ARHGEF10: variants seen among roughly 807,000 people sequenced by gnomAD.
ARHGEF10 encodes Rho guanine nucleotide exchange factor (GEF) 10.
ARHGEF10 carries 140 observed loss-of-function variants against 147.4 expected under a neutral mutation model. That is an observed-to-expected ratio of 0.95 (90% CI 0.83 to 1.09). The LOEUF is 1.09. Among genes scored for constraint, ARHGEF10 ranks in the 50% least tolerant of loss-of-function variants. The probability of loss-of-function intolerance (pLI) is 0.00; values close to 1 mark genes in which losing one functional copy is unlikely to be tolerated. For missense variants in ARHGEF10, 2,222 were observed against 1,752.7 expected, an observed-to-expected ratio of 1.27 and a Z score of -4.78; for synonymous variants, 902 against 695.8, an observed-to-expected ratio of 1.30 and a Z score of -4.67.
At chr8:1,832,003 C>T (rs1331273922) in intron 1 of ARHGEF10, among the ~76,000 whole-genome samples, 4 of 152,150 alleles carry the variant, frequency 2.6e-5, no homozygotes, top group African/African-American at 9.7e-5. Flanking sequence ...GGTGTGGCCG[C>T]TGGGGACTGG....
Position 1,903,371 on chromosome 8 carries a change from A to G in ARHGEF10, c.1741A>G (p.Asn581Asp). 1 of 1,614,208 alleles carries G rather than the reference A, an allele frequency of 6.2e-7. No individual in the cohort carries two copies. The highest frequency in any genetic ancestry group is 8.5e-7 in the Non-Finnish European group (1 of 1,180,052). The change falls in exon 16 of 29, where the codon AAT (asparagine) becomes GAT (aspartate). Residue 581 changes from asparagine to aspartate, a missense_variant. By Grantham distance (23) the Asn-to-Asp change is conservative. Transcript: ENST00000349830. Reference protein sequence around the residue: ...TELETLAEKLNERKRDADQRC... With the variant: ...TELETLAEKLDERKRDADQRC... ...GCTCGAAACACTAGCAGAGAAGTTAAATGAAAGAAAGAGAGATGCTGATCA... is the reference window on the plus strand; with the variant it reads ...GCTCGAAACACTAGCAGAGAAGTTAGATGAAAGAAAGAGAGATGCTGATCA...
chr8:1,849,472 C>A (rs1804829431), intron 2 of ARHGEF10, among the ~76,000 whole-genome samples: 1 of 144,346 alleles, frequency 6.9e-6, no homozygotes, highest in South Asian at 2.3e-4. Flanking sequence ...ACACAGACAG[C>A]AAATGCTGAG....
intron 4 of ARHGEF10, 51 bp from the exon 5 acceptor site, chr8:1,864,322 G>A (rs1806397711): frequency 6.4e-7 from 1 of 1,571,496 alleles, no homozygotes; most frequent in Non-Finnish European, 8.8e-7. Flanking sequence ...TCAACTTCAT[G>A]AGCATTTTTG....
At chr8:1,850,152 G>T (rs1481460466) in intron 2 of ARHGEF10, among the ~76,000 whole-genome samples, 1 of 39,934 alleles carries the variant, frequency 2.5e-5, no homozygotes, top group African/African-American at 1.2e-4. Context: ...GGTGTGGGGC[G>T]GCCACGTGGA....
intron 7 of ARHGEF10, chr8:1,870,212 A>C (rs1563205217): frequency 7.4e-6 from 1 of 134,908 alleles, no homozygotes; most frequent in Non-Finnish European, 1.6e-5. Context: ...GGCATTTTTC[A>C]GGGGGAGGAT....
chr8:1,830,369 C>G (rs371536315), intron 1 of ARHGEF10, among the ~76,000 whole-genome samples: 1 of 152,196 alleles, frequency 6.6e-6, no homozygotes, highest in Non-Finnish European at 1.5e-5. Context: ...CTCCGGGGGC[C>G]GTGCAAACAC....
intron 27 of ARHGEF10, among the ~76,000 whole-genome samples, chr8:1,946,235 C>G (rs989136438): frequency 1.3e-5 from 2 of 152,164 alleles, no homozygotes; most frequent in East Asian, 3.9e-4. Flanking sequence ...AGCCGGAGGC[C>G]GCTGTGGGGT....
chr8:1,843,628 G>T, intron 2 of ARHGEF10, among the ~76,000 whole-genome samples, 192 bp downstream of exon 2: 1 of 152,210 alleles, frequency 6.6e-6, no homozygotes, highest in East Asian at 1.9e-4. Flanking sequence ...GGGCATCCTG[G>T]GTGAGCCTCT....
In ARHGEF10 at chr8:1,917,781, T is replaced by A. The variant is rs562479522; in HGVS notation, c.2144-5183T>A. Among the ~76,000 whole-genome samples, 16 of 152,154 alleles carry A rather than the reference T, an allele frequency of 1.1e-4. No individual in the cohort carries two copies. The South Asian group carries it at 3.1e-3, about 30-fold the overall frequency. On this transcript the variant is annotated intron_variant, in intron 18 of 28. Coordinates refer to ENST00000349830, the MANE Select transcript of ARHGEF10 (RefSeq NM_014629.4). ...TTTCTTTCTTTTTCTTTTCTTTTCTTTTCTTTTTTTTGAGATGGAGTCTCC... is the reference window on the plus strand; with the variant it reads ...TTTCTTTCTTTTTCTTTTCTTTTCTATTCTTTTTTTTGAGATGGAGTCTCC...
intron 9 of ARHGEF10, 22 bp from the exon 10 acceptor site, chr8:1,882,613 C>T: frequency 1.3e-6 from 2 of 1,547,068 alleles, no homozygotes; most frequent in Non-Finnish European, 1.7e-6. Flanking sequence ...GTCCCGTTCT[C>T]ACATCTCCCT....
chr8:1,925,448 G>A (rs202163881), intron 22 of ARHGEF10, 44 bp downstream of exon 22: 12 of 1,611,042 alleles, frequency 7.4e-6, no homozygotes, highest in Admixed American at 3.3e-5. Flanking sequence ...GACGCACCTC[G>A]CAGCTCTGAA....
intron 16 of ARHGEF10, chr8:1,904,063 C>G (rs997361392): frequency 1.3e-5 from 2 of 153,238 alleles, no homozygotes; most frequent in Non-Finnish European, 2.9e-5. Context: ...AGGTGCTGCA[C>G]TCTAGCCTGG....
rs770502703 is a variant in ARHGEF10, at chr8:1,859,970, C to T, written c.267C>T (p.Val89=). 1 of 1,614,188 alleles carries T rather than the reference C, an allele frequency of 6.2e-7. No homozygotes were observed. Among genetic ancestry groups the T allele is most frequent in the Non-Finnish European group, 8.5e-7 (1 of 1,180,032 alleles). ...EPTKLVLPMK[V]NPYSVIDITP... Reference sequence around the variant, plus strand: ...CTAAGCTGGTGCTCCCGATGAAAGTCAACCCATATTCTGTCATCGACATCA... The same window carrying T: ...CTAAGCTGGTGCTCCCGATGAAAGTTAACCCATATTCTGTCATCGACATCA... Residue 89 remains valine (V), a synonymous_variant, in exon 4 of 29, where the codon GTC becomes GTT. Transcript: ENST00000349830.
Position 1,896,445 on chromosome 8 carries a change from TA to T in ARHGEF10, c.1556del (p.Lys519SerfsTer16), listed in dbSNP as rs752855683. The T allele has an allele frequency of 6.2e-7, 1 of 1,611,016 alleles. No homozygotes were observed. The highest frequency in any genetic ancestry group is 1.1e-5 in the South Asian group (1 of 90,512). ...ACAAAGCCCGCTTTTCTTGAATTTT[TA>T]AAGGTAAGCGCTTTTTTTTTTCATT... ...CATKPAFLEF[L>X]KQEQEASPDR... On this transcript the variant is annotated frameshift_variant, in exon 14 of 29. Transcript: ENST00000349830. LOFTEE classifies it high-confidence loss of function.
intron 1 of ARHGEF10, among the ~76,000 whole-genome samples, chr8:1,842,526 G>A (rs923473467): frequency 1.3e-5 from 2 of 152,226 alleles, no homozygotes; most frequent in Non-Finnish European, 2.9e-5. Context: ...GACACTCAGG[G>A]ACCATGCCCC....
At chr8:1,932,547 G>A (rs1399539706) in intron 25 of ARHGEF10, among the ~76,000 whole-genome samples, 2 of 152,344 alleles carry the variant, frequency 1.3e-5, no homozygotes, top group South Asian at 4.1e-4. Context: ...TTGTGCATGG[G>A]TGCATGTGCA....
intron 11 of ARHGEF10, among the ~76,000 whole-genome samples, chr8:1,886,067 CA>C (rs1325257324): frequency 1.3e-5 from 2 of 152,042 alleles, no homozygotes; most frequent in Non-Finnish European, 1.5e-5. Context: ...TTTGTATGGT[CA>C]GTATGTGTAT....
Position 1,923,949 on chromosome 8 carries a change from G to A in ARHGEF10, c.2488+75G>A, listed in dbSNP as rs1026997740. ...ATTCCTGCCCACGAGGGTGAGGTCA[G>A]GGTTGAGAAGGAAACTCAGCAGTAG... On this transcript the variant is annotated intron_variant, in intron 21 of 28. Coordinates refer to ENST00000349830, the MANE Select transcript of ARHGEF10 (RefSeq NM_014629.4). 10 of 1,383,550 alleles carry A rather than the reference G, an allele frequency of 7.2e-6. 1 individual carries two copies. The African/African-American group carries it at 1.1e-4, about 16-fold the overall frequency. The allele number at this position is 1,383,550 out of a possible 1,614,324, so 85.7% of individuals were successfully genotyped here. A position where few individuals can be genotyped will look rare whatever the true frequency, so the allele number is the denominator to read the frequency against.
intron 9 of ARHGEF10, among the ~76,000 whole-genome samples, chr8:1,881,232 G>A (rs970048288): frequency 3.3e-5 from 5 of 152,160 alleles, no homozygotes; most frequent in African/African-American, 9.7e-5. Context: ...CCTGAGATCC[G>A]GGAGTCCTGG....
Sources: allele counts gnomAD v4.1 joint callset (sites outside exome capture counted in the v4.1 genomes callset), GRCh38; gene constraint gnomAD v4.1.1; transcripts MANE v1.5; gene names NCBI Gene and HGNC (gene_info 2026-07-23, HGNC 2026-07-21).